GK: variants seen among roughly 807,000 people sequenced by gnomAD.
GK encodes the protein glycerol kinase.
Under a neutral mutation model 56.4 loss-of-function variants are expected in GK, and 9 were observed. The ratio of observed to expected loss-of-function variants is 0.16; its 90% CI spans 0.10 to 0.28. The LOEUF is 0.28. GK is among the 10% of genes least tolerant of loss of function. The pLI, the probability that GK is intolerant of heterozygous loss-of-function variation, is 1.00. For missense variants in GK, 161 were observed against 431.4 expected, an observed-to-expected ratio of 0.37 and a Z score of 5.55; for synonymous variants, 104 against 144.1, an observed-to-expected ratio of 0.72 and a Z score of 1.99.
intron 18 of GK, 48 bp from the exon 19 acceptor site, chrX:30,724,053 T>C: frequency 1.3e-6 from 1 of 780,506 alleles, no homozygotes; most frequent in Non-Finnish European, 2.0e-6. Flanking sequence ...TAAGAACATC[T>C]CAGCAAACTA....
At chrX:30,656,247 T>C (rs1932270151) in intron 1 of GK, among the ~76,000 whole-genome samples, 1 of 112,322 alleles carries the variant, frequency 8.9e-6, no homozygotes, top group Non-Finnish European at 1.9e-5. Context: ...TACTCCACGT[T>C]GTAATTATGA....
chrX:30,689,968 G>A (rs1241058908), intron 4 of GK, among the ~76,000 whole-genome samples: 1 of 111,463 alleles, frequency 9.0e-6, no homozygotes, highest in African/African-American at 3.3e-5. Context: ...CCCGTATCTT[G>A]TCCTGAAGTC....
intron 4 of GK, among the ~76,000 whole-genome samples, chrX:30,686,538 GT>G (rs903848268): frequency 4.6e-5 from 5 of 109,758 alleles, no homozygotes; most frequent in African/African-American, 6.6e-5. Flanking sequence ...TTTTAGTGGG[GT>G]TTTTTTTTAC....
At chrX:30,727,146 A>G (rs891423049) in intron 19 of GK, among the ~76,000 whole-genome samples, 1 of 112,144 alleles carries the variant, frequency 8.9e-6, no homozygotes, top group African/African-American at 3.2e-5. Context: ...AAGAATCAAG[A>G]AAGCTAAAAT....
chrX:30,715,418 A>G (rs993460748), intron 13 of GK, among the ~76,000 whole-genome samples: 1 of 112,221 alleles, frequency 8.9e-6, no homozygotes, highest in African/African-American at 3.2e-5. Context: ...TTAATTTATT[A>G]TTCTTTACAC....
At chrX:30,694,563 G>A (rs1206827663) in intron 6 of GK, 26 bp downstream of exon 6, 1 of 1,172,974 alleles carries the variant, frequency 8.5e-7, no homozygotes, top group Admixed American at 2.2e-5. Flanking sequence ...ATGGATATAT[G>A]GAGAATTTTT....
chrX:30,719,049 C>T (rs1936764447), intron 14 of GK, among the ~76,000 whole-genome samples: 1 of 111,546 alleles, frequency 9.0e-6, no homozygotes, highest in Non-Finnish European at 1.9e-5. Flanking sequence ...CTTTCATCCA[C>T]TTGCTTAACT....
chrX:30,697,602 G>A (rs1935306343), intron 8 of GK, 130 bp from the exon 9 acceptor site: 1 of 551,529 alleles, frequency 1.8e-6, no homozygotes, highest in African/African-American at 2.3e-5. Context: ...TTGGGTCAAG[G>A]AAAAAGAAAC....
chrX:30,672,968 A>T (rs1003837592), intron 3 of GK, among the ~76,000 whole-genome samples: 1 of 112,239 alleles, frequency 8.9e-6, no homozygotes, highest in African/African-American at 3.2e-5. Flanking sequence ...TTATGATTTT[A>T]ATTTTAAAAA....
chrX:30,706,410 T>C (rs1871965), intron 11 of GK, among the ~76,000 whole-genome samples: 1 of 112,135 alleles, frequency 8.9e-6, no homozygotes, highest in East Asian at 2.8e-4. Flanking sequence ...GTCCCATCTT[T>C]CAGTTGCTGG....
At chrX:30,720,208 G>A in intron 16 of GK, 113 bp downstream of exon 16, 3 of 538,508 alleles carry the variant, frequency 5.6e-6, no homozygotes, top group Admixed American at 5.3e-5. Flanking sequence ...CAAATATTAA[G>A]GCTGCCTAAA....
chrX:30,721,199 A>T, intron 18 of GK: 1 of 460,736 alleles, frequency 2.2e-6, no homozygotes, highest in Admixed American at 3.5e-5. Flanking sequence ...GAACTTCTAA[A>T]ATCACTTTTT....
chrX:30,680,400 C>A (rs907990620), intron 4 of GK, among the ~76,000 whole-genome samples: 6 of 111,954 alleles, frequency 5.4e-5, no homozygotes, highest in Non-Finnish European at 1.1e-4. Flanking sequence ...ACTCTCCAAC[C>A]TTAAAGCTTG....
At chrX:30,655,906 G>A (rs1932233268) in intron 1 of GK, among the ~76,000 whole-genome samples, 1 of 112,106 alleles carries the variant, frequency 8.9e-6, no homozygotes, top group Non-Finnish European at 1.9e-5. Context: ...TGTTTACTGG[G>A]TTCTGTGAGG....
intron 4 of GK, chrX:30,678,236 C>T: frequency 2.6e-6 from 1 of 389,259 alleles, no homozygotes; most frequent in Non-Finnish European, 4.5e-6. Flanking sequence ...GCTATTTGAG[C>T]AGGGATTTAA....
At chrX:30,662,228 T>C (rs887337881) in intron 1 of GK, among the ~76,000 whole-genome samples, 1 of 112,848 alleles carries the variant, frequency 8.9e-6, no homozygotes, top group Non-Finnish European at 1.9e-5. Flanking sequence ...CAATAGTTTA[T>C]AGATATATTG....
At chrX:30,674,915 C>G (rs1933772360) in intron 3 of GK, among the ~76,000 whole-genome samples, 1 of 111,753 alleles carries the variant, frequency 8.9e-6, no homozygotes, top group Admixed American at 9.5e-5. Flanking sequence ...TCAGAACATT[C>G]CTAGAGTATT....
chrX:30,719,225 G>A lies in GK; in HGVS notation c.1055-194G>A, dbSNP rs188644493. On this transcript the variant is annotated intron_variant, in intron 14 of 20. Coordinates refer to ENST00000427190, the MANE Select transcript of GK (RefSeq NM_001205019.2). ...TTCTTGAGCTAGGCTACATTTTAGT[G>A]GGGGGTATTTAATGTGAGAGAAACT... Among the ~76,000 whole-genome samples the A allele has an allele frequency of 5.7e-3, 638 of 111,231 alleles. 4 individuals are homozygous for A. Among genetic ancestry groups the A allele is most frequent in the African/African-American group, 0.019 (582 of 30,673 alleles).
chrX:30,686,657 T>C (rs1292509669), intron 4 of GK, among the ~76,000 whole-genome samples: 2 of 112,280 alleles, frequency 1.8e-5, no homozygotes, highest in Non-Finnish European at 3.8e-5. Context: ...GTACTGTTTG[T>C]TACTATGTCA....
Sources: allele counts gnomAD v4.1 joint callset (sites outside exome capture counted in the v4.1 genomes callset), GRCh38; gene constraint gnomAD v4.1.1; transcripts MANE v1.5; gene names NCBI Gene and HGNC (gene_info 2026-07-23, HGNC 2026-07-21).